Variants in CACNB2 observed in about 807,000 individuals in gnomAD.
CACNB2 encodes voltage-dependent L-type calcium channel subunit beta-2.
CACNB2 carries 42 observed loss-of-function variants against 73.3 expected under a neutral mutation model. That is an observed-to-expected ratio of 0.57 (90% CI 0.45 to 0.74). CACNB2 has a LOEUF of 0.74. Ranked by LOEUF, CACNB2 falls within the 30% of genes least tolerant of loss-of-function variation. CACNB2 has a pLI of 0.00. For synonymous variants in CACNB2, 348 were observed against 310.3 expected (o/e 1.12, Z -1.28); for missense variants, 940 against 853.0 (o/e 1.10, Z -1.27).
intron 2 of CACNB2, among the ~76,000 whole-genome samples, chr10:18,227,635 A>G (rs544544043): frequency 6.6e-6 from 1 of 152,276 alleles, no homozygotes; most frequent in Non-Finnish European, 1.5e-5. Context: ...GGGCGGCCGC[A>G]AGACAGGCAG....
chr10:18,400,890 C>T, intron 2 of CACNB2: 6 of 1,536,232 alleles, frequency 3.9e-6, no homozygotes, highest in Non-Finnish European at 5.2e-6. Context: ...GGAGTGAAAG[C>T]CCCGGAGGCA....
chr10:18,275,689 A>C (rs1441672510), intron 2 of CACNB2, among the ~76,000 whole-genome samples: 1 of 152,338 alleles, frequency 6.6e-6, no homozygotes, highest in Middle Eastern at 3.4e-3. Context: ...TGAGTGGCTC[A>C]TGAAGAAAAT....
chr10:18,337,927 C>T (rs1362257882), intron 2 of CACNB2, among the ~76,000 whole-genome samples: 3 of 152,032 alleles, frequency 2.0e-5, no homozygotes, highest in African/African-American at 7.3e-5. Flanking sequence ...AAAATCAACT[C>T]AAAGTGGATT....
At chr10:18,486,270 A>G (rs2049054953) in intron 3 of CACNB2, among the ~76,000 whole-genome samples, 2 of 152,160 alleles carry the variant, frequency 1.3e-5, no homozygotes, top group South Asian at 2.1e-4. Flanking sequence ...ATAGCGTTCA[A>G]ATTATTAGCT....
At chr10:18,296,194 T>G (rs2039277505) in intron 2 of CACNB2, among the ~76,000 whole-genome samples, 1 of 152,090 alleles carries the variant, frequency 6.6e-6, no homozygotes, top group African/African-American at 2.4e-5. Context: ...TTTCTAAAAA[T>G]ATCTGATTTT....
At chr10:18,374,017 A>C (rs1414998955) in intron 2 of CACNB2, among the ~76,000 whole-genome samples, 1 of 152,240 alleles carries the variant, frequency 6.6e-6, no homozygotes, top group East Asian at 1.9e-4. Context: ...ATTGCATTGT[A>C]ACACTGTACT....
chr10:18,298,026 A>T (rs948246592), intron 2 of CACNB2, among the ~76,000 whole-genome samples: 4 of 152,182 alleles, frequency 2.6e-5, no homozygotes, highest in Middle Eastern at 3.2e-3. Context: ...TATGTGGGTG[A>T]AGGTAAAAAG....
intron 2 of CACNB2, among the ~76,000 whole-genome samples, chr10:18,166,304 G>A (rs902613964): frequency 6.6e-6 from 1 of 151,960 alleles, no homozygotes; most frequent in Admixed American, 6.6e-5. Context: ...ATCCCAGGCT[G>A]AAGTGCAGTG....
intron 2 of CACNB2, chr10:18,400,891 C>T: frequency 6.5e-7 from 1 of 1,537,810 alleles, no homozygotes; most frequent in African/African-American, 1.4e-5. Context: ...GAGTGAAAGC[C>T]CCGGAGGCAG....
intron 2 of CACNB2, among the ~76,000 whole-genome samples, chr10:18,178,063 C>T (rs1176269314): frequency 2.6e-5 from 4 of 152,170 alleles, no homozygotes; most frequent in Admixed American, 2.0e-4. Flanking sequence ...GGTGTCTCCT[C>T]TCATATCTCG....
At chr10:18,500,243 GA>G (rs1401345948) in intron 4 of CACNB2, among the ~76,000 whole-genome samples, 18 of 152,296 alleles carry the variant, frequency 1.2e-4, no homozygotes, top group Admixed American at 2.6e-4. Flanking sequence ...CGAGGAAAAA[GA>G]AGGCAAATCA....
At chr10:18,470,579 C>A (rs191678440) in intron 3 of CACNB2, among the ~76,000 whole-genome samples, 23 of 151,778 alleles carry the variant, frequency 1.5e-4, no homozygotes, top group Middle Eastern at 3.4e-3. Context: ...TATCTCTCAC[C>A]TTTCTATCTA....
chr10:18,365,988 C>T (rs2042330994), intron 2 of CACNB2, among the ~76,000 whole-genome samples: 1 of 152,210 alleles, frequency 6.6e-6, no homozygotes, highest in African/African-American at 2.4e-5. Context: ...ACATTCCCTT[C>T]AAATTCATAG....
chr10:18,140,887 T>C, intron 1 of CACNB2, 31 bp downstream of exon 1: 1 of 1,573,544 alleles, frequency 6.4e-7, no homozygotes, highest in Non-Finnish European at 8.6e-7. Context: ...TCTCCTTCCT[T>C]TGTGAGCCGC....
chr10:18,371,766 A>G (rs2042594234), intron 2 of CACNB2, among the ~76,000 whole-genome samples: 1 of 152,210 alleles, frequency 6.6e-6, no homozygotes, highest in Non-Finnish European at 1.5e-5. Context: ...TAGATCCCTG[A>G]GGAATCACCA....
intron 2 of CACNB2, among the ~76,000 whole-genome samples, chr10:18,216,031 C>T (rs2035497100): frequency 6.6e-6 from 1 of 151,972 alleles, no homozygotes; most frequent in African/African-American, 2.4e-5. Context: ...TGTGGTGGCT[C>T]ATGCCTGTAA....
At position 18,509,993 on chromosome 10, in the gene CACNB2, C is replaced by T. The variant is rs960362998; in HGVS notation, c.670+3446C>T. 2.0e-5 allele frequency among the ~76,000 whole-genome samples: 3 copies of T among 152,232 alleles called. No individual in the cohort carries two copies. In the South Asian group the frequency reaches 6.2e-4, roughly 32 times the overall value. ...GTAACATTTCTCATTAAAAGGAGAA[C>T]CATCTGAGTCTAATAAAATACATGT... On this transcript the variant is annotated intron_variant, in intron 6 of 13. Coordinates refer to ENST00000324631, the MANE Select transcript of CACNB2 (RefSeq NM_201596.3).
At chr10:18,522,017 C>T (rs912036251) in intron 9 of CACNB2, among the ~76,000 whole-genome samples, 6 of 152,156 alleles carry the variant, frequency 3.9e-5, no homozygotes, top group Non-Finnish European at 7.3e-5. Flanking sequence ...TCATCACTCA[C>T]ACATTATTGC....
intron 2 of CACNB2, among the ~76,000 whole-genome samples, chr10:18,208,309 C>A (rs1400246265): frequency 2.6e-5 from 4 of 151,956 alleles, no homozygotes; most frequent in Middle Eastern, 3.2e-3. Context: ...TGTACACACA[C>A]AAAAAACTTT....
Sources: allele counts gnomAD v4.1 joint callset (sites outside exome capture counted in the v4.1 genomes callset), GRCh38; gene constraint gnomAD v4.1.1; transcripts MANE v1.5; gene names NCBI Gene and HGNC (gene_info 2026-07-23, HGNC 2026-07-21).